The following GNG2 variants were observed in gnomAD, a reference collection of about 807,000 sequenced individuals.
The protein encoded by GNG2 is G protein subunit gamma 2, also known as guanine nucleotide-binding protein G(I)/G(S)/G(O) subunit gamma-2.
Under a neutral mutation model 5.5 loss-of-function variants are expected in GNG2, and 5 were observed. The ratio of observed to expected loss-of-function variants is 0.91; its 90% CI spans 0.48 to 1.92. The LOEUF (loss-of-function observed/expected upper bound fraction) is 1.92. Among genes scored for constraint, GNG2 ranks in the 30% most tolerant of loss-of-function variants. The probability of loss-of-function intolerance (pLI) is 0.01; values close to 1 mark genes in which losing one functional copy is unlikely to be tolerated. For missense variants in GNG2, 55 were observed against 88.4 expected, an observed-to-expected ratio of 0.62 and a Z score of 1.52; for synonymous variants, 28 against 32.0, an observed-to-expected ratio of 0.88 and a Z score of 0.42.
chr14:51,931,535 G>C (rs1887657285), intron 2 of GNG2, among the ~76,000 whole-genome samples: 2 of 152,000 alleles, frequency 1.3e-5, no homozygotes, highest in Non-Finnish European at 2.9e-5. Context: ...ACAGCAATGA[G>C]AGTGAATGAG....
chr14:51,858,078 A>G (rs180681175), upstream of GNG2, among the ~76,000 whole-genome samples: 330 of 152,362 alleles, frequency 2.2e-3, no homozygotes, highest in Non-Finnish European at 3.4e-3. Context: ...CAGTGATAAA[A>G]TGTACTGGGA....
At chr14:51,941,473 G>A (rs1484755876) in intron 2 of GNG2, among the ~76,000 whole-genome samples, 4 of 152,140 alleles carry the variant, frequency 2.6e-5, no homozygotes, top group Non-Finnish European at 5.9e-5. Context: ...AAATCTCTCA[G>A]CACCTACTGC....
chr14:51,839,093 TGA>T (rs946800852), intron 2 of GNG2, among the ~76,000 whole-genome samples: 3 of 152,302 alleles, frequency 2.0e-5, no homozygotes, highest in Non-Finnish European at 2.9e-5. Flanking sequence ...CCGAAATATC[TGA>T]GACAGGTCTT....
chr14:51,954,119 A>G (rs1040372681), intron 3 of GNG2, among the ~76,000 whole-genome samples: 22 of 152,304 alleles, frequency 1.4e-4, no homozygotes, highest in African/African-American at 5.3e-4. Flanking sequence ...ACATAGTTAC[A>G]TGAATAGCAT....
chr14:51,852,385 T>G (rs1037184211), intron 2 of GNG2, among the ~76,000 whole-genome samples: 3 of 152,264 alleles, frequency 2.0e-5, no homozygotes, highest in African/African-American at 7.2e-5. Flanking sequence ...CTGTGTCCTA[T>G]GCACTGAGCA....
chr14:51,880,967 G>A (rs202200844), intron 2 of GNG2, among the ~76,000 whole-genome samples: 621 of 101,850 alleles, frequency 6.1e-3, no homozygotes, highest in Admixed American at 6.5e-3. Flanking sequence ...CAAAAAAAAA[G>A]AAAAAAAAAA....
intron 1 of GNG2, among the ~76,000 whole-genome samples, chr14:51,861,681 G>T (rs1489592035): frequency 6.6e-6 from 1 of 152,098 alleles, no homozygotes; most frequent in African/African-American, 2.4e-5. Flanking sequence ...GAGAGCCTGG[G>T]TCTATGACTT....
At chr14:51,900,928 A>C (rs545065865) in intron 2 of GNG2, among the ~76,000 whole-genome samples, 3 of 152,332 alleles carry the variant, frequency 2.0e-5, no homozygotes, top group East Asian at 3.9e-4. Context: ...CTATGCATGC[A>C]AAGCTCAAAT....
chr14:51,956,815 A>C (rs1360085815), intron 3 of GNG2, among the ~76,000 whole-genome samples: 1 of 152,142 alleles, frequency 6.6e-6, no homozygotes, highest in Non-Finnish European at 1.5e-5. Context: ...GATGTGTCTC[A>C]ATTTCAGATG....
chr14:51,899,306 A>G (rs1885401559), intron 2 of GNG2, among the ~76,000 whole-genome samples: 1 of 152,134 alleles, frequency 6.6e-6, no homozygotes, highest in Non-Finnish European at 1.5e-5. Context: ...ACAGTCTCTG[A>G]GCCAGCCCTA....
rs562526870 is a variant in GNG2, at chr14:51,962,985, C to T, written c.88-3574C>T. 3.9e-5 allele frequency among the ~76,000 whole-genome samples: 6 copies of T among 152,322 alleles called. 1 individual carries two copies. The highest frequency in any genetic ancestry group is 1.2e-4 in the African/African-American group (5 of 41,588). Reference sequence around the variant, plus strand: ...GGGCAAACACTTAATGAAGCCTCCACTTCACATATTTAAGATGAGAATGAT... The same window carrying T: ...GGGCAAACACTTAATGAAGCCTCCATTTCACATATTTAAGATGAGAATGAT... On this transcript the variant is annotated intron_variant, in intron 3 of 3. Coordinates refer to ENST00000556766, the MANE Select transcript of GNG2 (RefSeq NM_053064.5).
At chr14:51,831,966 A>G (rs948609699) in intron 2 of GNG2, among the ~76,000 whole-genome samples, 35 of 152,208 alleles carry the variant, frequency 2.3e-4, no homozygotes, top group African/African-American at 7.5e-4. Flanking sequence ...ACATGTATCA[A>G]AGTTTTATTT....
chr14:51,908,016 A>G (rs1304172692), intron 2 of GNG2, among the ~76,000 whole-genome samples: 1 of 152,262 alleles, frequency 6.6e-6, no homozygotes, highest in African/African-American at 2.4e-5. Flanking sequence ...GTCTTAAAAC[A>G]ACAAACATCT....
chr14:51,935,560 G>A (rs1457957310), intron 2 of GNG2, among the ~76,000 whole-genome samples: 1 of 152,220 alleles, frequency 6.6e-6, no homozygotes, highest in Non-Finnish European at 1.5e-5. Context: ...ATGGCAAAAT[G>A]TTAGAAACAT....
chr14:51,913,611 C>CT (rs1219738581), intron 2 of GNG2, among the ~76,000 whole-genome samples: 2 of 152,062 alleles, frequency 1.3e-5, no homozygotes, highest in Non-Finnish European at 2.9e-5. Flanking sequence ...GTCCTTTCCC[C>CT]CATTGTCATC....
intron 2 of GNG2, among the ~76,000 whole-genome samples, chr14:51,830,121 G>A (rs542006256): frequency 2.0e-5 from 3 of 152,178 alleles, no homozygotes; most frequent in East Asian, 1.9e-4. Context: ...GATAACAGGC[G>A]TGGGCCACCA....
chr14:51,944,380 A>G (rs1271901568), intron 2 of GNG2, among the ~76,000 whole-genome samples: 1 of 152,222 alleles, frequency 6.6e-6, no homozygotes, highest in African/African-American at 2.4e-5. Flanking sequence ...CATGGCTGAG[A>G]GGAAGAAATC....
At chr14:51,962,205 AT>A (rs1555358786) in intron 3 of GNG2, among the ~76,000 whole-genome samples, 1 of 59,260 alleles carries the variant, frequency 1.7e-5, no homozygotes, top group Non-Finnish European at 4.0e-5. Flanking sequence ...ATTTTAAATA[AT>A]ATTATTTAAA....
chr14:51,897,447 G>A (rs376390255), intron 2 of GNG2, among the ~76,000 whole-genome samples: 5 of 152,166 alleles, frequency 3.3e-5, no homozygotes, highest in African/African-American at 4.8e-5. Flanking sequence ...AACCTGTGAC[G>A]TAAAAAGGAT....
Sources: allele counts gnomAD v4.1 joint callset (sites outside exome capture counted in the v4.1 genomes callset), GRCh38; gene constraint gnomAD v4.1.1; transcripts MANE v1.5; gene names NCBI Gene and HGNC (gene_info 2026-07-23, HGNC 2026-07-21).